PDE7B: variants seen among roughly 807,000 people sequenced by gnomAD.
The protein encoded by PDE7B is phosphodiesterase 7B.
Under a neutral mutation model 56.2 loss-of-function variants are expected in PDE7B, and 29 were observed. That is an observed-to-expected ratio of 0.52 (90% CI 0.38 to 0.70). The LOEUF is 0.70. PDE7B is among the 30% of genes least tolerant of loss of function. The pLI is 0.00. For missense variants in PDE7B, 490 were observed against 565.0 expected (o/e 0.87, Z 1.35); for synonymous variants, 197 against 196.9 (o/e 1.00, Z 0.00).
chr6:135,906,825 T>TTTTTTTTTTTTTTTTTTTTTG (rs1562434131), intron 1 of PDE7B, among the ~76,000 whole-genome samples: 2 of 145,782 alleles, frequency 1.4e-5, no homozygotes, highest in African/African-American at 5.2e-5. Flanking sequence ...TTTTTTTTTT[T>TTTTTTTTTTTTTTTTTTTTTG]TTTTTTTTTT....
chr6:135,890,722 CT>C (rs1775796212), intron 1 of PDE7B, among the ~76,000 whole-genome samples: 1 of 152,060 alleles, frequency 6.6e-6, no homozygotes, highest in Non-Finnish European at 1.5e-5. Flanking sequence ...GCAAGTTGCA[CT>C]AAGTTTAGGA....
At chr6:136,153,310 G>C (rs572033769) in intron 6 of PDE7B, among the ~76,000 whole-genome samples, 2 of 152,340 alleles carry the variant, frequency 1.3e-5, no homozygotes, top group African/African-American at 4.8e-5. Flanking sequence ...AATGGGCTGA[G>C]AGAATCTGGC....
chr6:135,907,190 G>A (rs892306742), intron 1 of PDE7B, among the ~76,000 whole-genome samples: 1 of 152,138 alleles, frequency 6.6e-6, no homozygotes, highest in Non-Finnish European at 1.5e-5. Flanking sequence ...GACCCTCCCT[G>A]CACATGCAGG....
chr6:136,191,206 G>A lies in PDE7B; in HGVS notation c.1127-408G>A, dbSNP rs562698399. Among the ~76,000 whole-genome samples the A allele has an allele frequency of 1.1e-3, 166 of 152,088 alleles. 1 individual carries two copies. The highest frequency in any genetic ancestry group is 3.8e-3 in the African/African-American group (158 of 41,448). The stretch of plus-strand genomic sequence containing the variant: ...TCTTTTTGCAAGTGAGGAAACTGAG[G>A]CACAAAGCCATTCAGGGACAAGCCC... On this transcript the variant is annotated intron_variant, in intron 12 of 12. Coordinates refer to ENST00000308191, the MANE Select transcript of PDE7B (RefSeq NM_018945.4).
At chr6:136,001,206 C>T (rs1775663033) in intron 2 of PDE7B, among the ~76,000 whole-genome samples, 1 of 152,168 alleles carries the variant, frequency 6.6e-6, no homozygotes, top group Admixed American at 6.5e-5. Flanking sequence ...CTGTACATCA[C>T]CATCATCAAA....
At chr6:136,167,940 G>A (rs1466480862) in intron 8 of PDE7B, among the ~76,000 whole-genome samples, 2 of 152,110 alleles carry the variant, frequency 1.3e-5, no homozygotes, top group Non-Finnish European at 2.9e-5. Context: ...CTTCCGGAAT[G>A]CCAGAGAAAA....
At chr6:136,081,546 T>G (rs1052434108) in intron 2 of PDE7B, among the ~76,000 whole-genome samples, 3 of 152,176 alleles carry the variant, frequency 2.0e-5, no homozygotes, top group African/African-American at 7.2e-5. Context: ...AGGACAAACT[T>G]TCCTATGAGC....
At chr6:136,083,926 T>C (rs1269304974) in intron 2 of PDE7B, among the ~76,000 whole-genome samples, 1 of 152,196 alleles carries the variant, frequency 6.6e-6, no homozygotes, top group Non-Finnish European at 1.5e-5. Context: ...GAAATTAGCA[T>C]TGTTGTAAAT....
intron 2 of PDE7B, chr6:136,034,964 T>A (rs1776301926): frequency 6.6e-6 from 1 of 151,762 alleles, no homozygotes; most frequent in Non-Finnish European, 1.5e-5. Flanking sequence ...GTGTCCATTG[T>A]CCATTGGAAC....
At chr6:135,987,597 T>A (rs1224678303) in intron 2 of PDE7B, among the ~76,000 whole-genome samples, 2 of 152,134 alleles carry the variant, frequency 1.3e-5, no homozygotes, top group South Asian at 2.1e-4. Flanking sequence ...GAGATGTCTA[T>A]CTGTCCCAAA....
At chr6:136,027,206 G>T (rs1408973556) in intron 2 of PDE7B, among the ~76,000 whole-genome samples, 3 of 152,176 alleles carry the variant, frequency 2.0e-5, no homozygotes, top group East Asian at 3.8e-4. Context: ...CCAGTCTATG[G>T]CACTTTGTTA....
At chr6:135,924,625 T>C (rs1312291485) in intron 1 of PDE7B, among the ~76,000 whole-genome samples, 7 of 140,436 alleles carry the variant, frequency 5.0e-5, no homozygotes, top group South Asian at 2.3e-4. Flanking sequence ...CTCTTTTTTT[T>C]TTTTTTTTTT....
At chr6:135,944,100 A>G (rs1774552840) in intron 1 of PDE7B, among the ~76,000 whole-genome samples, 1 of 152,194 alleles carries the variant, frequency 6.6e-6, no homozygotes, top group South Asian at 2.1e-4. Context: ...ATTAGGCAGA[A>G]TCCTGGTGAG....
chr6:136,048,435 C>T (rs1257748247), intron 2 of PDE7B, among the ~76,000 whole-genome samples: 2 of 152,002 alleles, frequency 1.3e-5, no homozygotes, highest in Non-Finnish European at 2.9e-5. Context: ...GCAGGAGAAT[C>T]CTCGAACCCA....
In PDE7B at chr6:136,004,222, T is replaced by C. The variant is rs1376455378; in HGVS notation, c.82+56698T>C. 1.3e-5 allele frequency among the ~76,000 whole-genome samples: 2 copies of C among 152,208 alleles called. 1 individual carries two copies. The highest frequency in any genetic ancestry group is 2.9e-5 in the Non-Finnish European group (2 of 68,044). ...ATATCTCAAAATAGTAAGAGCTATC[T>C]ATGACAAACCCACAGCTAATATCAT... is the stretch of plus-strand genomic sequence containing the variant. On this transcript the variant is annotated intron_variant, in intron 2 of 12. Coordinates refer to ENST00000308191, the MANE Select transcript of PDE7B (RefSeq NM_018945.4).
At chr6:135,907,425 C>T (rs1445121921) in intron 1 of PDE7B, among the ~76,000 whole-genome samples, 1 of 152,048 alleles carries the variant, frequency 6.6e-6, no homozygotes, top group Non-Finnish European at 1.5e-5. Context: ...AGGCCTCTTC[C>T]AGTTTCTGCT....
chr6:135,884,494 A>G (rs1257907319), intron 1 of PDE7B, among the ~76,000 whole-genome samples: 1 of 152,174 alleles, frequency 6.6e-6, no homozygotes, highest in Non-Finnish European at 1.5e-5. Flanking sequence ...AGTCCTTTCT[A>G]TGGCTTTTTG....
chr6:136,009,317 G>T (rs1775846492), intron 2 of PDE7B, among the ~76,000 whole-genome samples: 1 of 151,976 alleles, frequency 6.6e-6, no homozygotes, highest in African/African-American at 2.4e-5. Flanking sequence ...TGGCGATGTG[G>T]GCTCTTTTTT....
At chr6:135,963,442 G>A (rs1177015463) in intron 2 of PDE7B, among the ~76,000 whole-genome samples, 1 of 152,124 alleles carries the variant, frequency 6.6e-6, no homozygotes, top group Non-Finnish European at 1.5e-5. Flanking sequence ...ATATAACTCT[G>A]AGTGTCCTAA....
Sources: allele counts gnomAD v4.1 joint callset (sites outside exome capture counted in the v4.1 genomes callset), GRCh38; gene constraint gnomAD v4.1.1; transcripts MANE v1.5; gene names NCBI Gene and HGNC (gene_info 2026-07-23, HGNC 2026-07-21).